The following DYM variants were observed in gnomAD, a reference collection of about 807,000 sequenced individuals.
DYM encodes dymeclin.
A neutral mutation model predicts 93.1 loss-of-function variants in DYM; 78 were observed. That is an observed-to-expected ratio of 0.84 (90% CI 0.70 to 1.01). The LOEUF is 1.01. Ranked by LOEUF, DYM falls within the 50% of genes least tolerant of loss-of-function variation. DYM has a pLI of 0.00. For missense variants in DYM, 789 were observed against 845.0 expected (o/e 0.93, Z 0.82); for synonymous variants, 321 against 319.7 (o/e 1.00, Z -0.04).
chr18:49,326,484 A>C (rs1568254102), intron 8 of DYM, among the ~76,000 whole-genome samples: 1 of 152,054 alleles, frequency 6.6e-6, no homozygotes, highest in Non-Finnish European at 1.5e-5. Context: ...TAAAAAAAAA[A>C]AACCTAAAAT....
chr18:49,397,244 T>C (rs1377107374), intron 2 of DYM, among the ~76,000 whole-genome samples: 4 of 152,246 alleles, frequency 2.6e-5, no homozygotes, highest in African/African-American at 9.6e-5. Context: ...TTCCAAAATG[T>C]AGTAATTTAC....
At chr18:49,281,915 G>A in intron 10 of DYM, 82 bp downstream of exon 10, 1 of 1,379,246 alleles carries the variant, frequency 7.3e-7, no homozygotes, top group Non-Finnish European at 1.0e-6. Flanking sequence ...TAACTAACCT[G>A]CACGCTGTGC....
At chr18:49,169,782 T>C (rs897580524) in intron 14 of DYM, among the ~76,000 whole-genome samples, 9 of 152,186 alleles carry the variant, frequency 5.9e-5, no homozygotes, top group African/African-American at 1.9e-4. Context: ...TGTATAAAAT[T>C]CTACTTGTTT....
chr18:49,312,149 C>T (rs533293043), intron 8 of DYM, among the ~76,000 whole-genome samples: 25 of 152,000 alleles, frequency 1.6e-4, no homozygotes, highest in African/African-American at 5.5e-4. Context: ...GATTGGGGGA[C>T]GTAAAGGATG....
intron 17 of DYM, among the ~76,000 whole-genome samples, chr18:49,046,514 TACAG>T (rs2071596532): frequency 6.9e-6 from 1 of 144,574 alleles, no homozygotes; most frequent in Admixed American, 6.8e-5. Context: ...GACATGCACA[TACAG>T]ACACACACAC....
Position 49,265,569 on chromosome 18 carries a change from G to A in DYM, c.1251+6609C>T, listed in dbSNP as rs554479153. On this transcript the variant is annotated intron_variant, in intron 11 of 17. Coordinates refer to ENST00000675505, the MANE Select transcript of DYM (RefSeq NM_001353214.3). ...TGAGGCCAGTGAATCACCTGAGGTC[G>A]CGAGTTCGAGACTAGCCTGACCAAC... Among the ~76,000 whole-genome samples, 35 of 152,034 alleles carry A rather than the reference G, an allele frequency of 2.3e-4. No individual in the cohort carries two copies. The South Asian group carries it at 6.0e-3, about 26-fold the overall frequency.
At chr18:49,319,057 G>A (rs1426770602) in intron 8 of DYM, among the ~76,000 whole-genome samples, 3 of 151,662 alleles carry the variant, frequency 2.0e-5, no homozygotes, top group Non-Finnish European at 1.5e-5. Context: ...CACCCACCTC[G>A]GCCTCCCAAA....
chr18:49,203,767 G>A (rs1211960114), intron 14 of DYM, among the ~76,000 whole-genome samples: 2 of 130,874 alleles, frequency 1.5e-5, no homozygotes, highest in East Asian at 4.7e-4. Flanking sequence ...TTGTTCACTT[G>A]TTTATCTGCT....
At chr18:49,102,843 C>A (rs1180888447) in intron 16 of DYM, among the ~76,000 whole-genome samples, 1 of 152,130 alleles carries the variant, frequency 6.6e-6, no homozygotes, top group Non-Finnish European at 1.5e-5. Context: ...GGTTCCAAGT[C>A]TTTGCTATTG....
intron 13 of DYM, among the ~76,000 whole-genome samples, chr18:49,240,830 T>C (rs79321636): frequency 0.091 from 13,842 of 152,256 alleles, 846 homozygotes; most frequent in East Asian, 0.31. Context: ...TGTGAGCTTC[T>C]AGTTTTACAA....
chr18:49,150,776 A>G (rs374832964), intron 15 of DYM, among the ~76,000 whole-genome samples: 3 of 152,354 alleles, frequency 2.0e-5, no homozygotes, highest in South Asian at 2.1e-4. Context: ...CATGATGTCA[A>G]GCATGATGCA....
chr18:49,363,366 C>A, intron 5 of DYM, 133 bp from the exon 6 acceptor site: 1 of 725,346 alleles, frequency 1.4e-6, no homozygotes, highest in Non-Finnish European at 2.5e-6. Context: ...TAATGTTGAC[C>A]TCTGAATAAA....
intron 2 of DYM, among the ~76,000 whole-genome samples, chr18:49,423,568 G>A (rs1459096509): frequency 1.3e-5 from 2 of 152,110 alleles, no homozygotes; most frequent in Non-Finnish European, 2.9e-5. Context: ...AGGAGATAGA[G>A]ACACAAAAAA....
chr18:49,279,433 C>T (rs1018790542), intron 10 of DYM, among the ~76,000 whole-genome samples: 4 of 152,178 alleles, frequency 2.6e-5, no homozygotes, highest in Non-Finnish European at 5.9e-5. Context: ...ATTTTCTAAT[C>T]AGAGCCTCAA....
chr18:49,290,118 T>G (rs1599164202), intron 8 of DYM, among the ~76,000 whole-genome samples: 1 of 151,826 alleles, frequency 6.6e-6, no homozygotes, highest in South Asian at 2.1e-4. Flanking sequence ...CAAAAGAGCA[T>G]GTATAGGAAT....
rs1018062185 is a variant in DYM at position 49,245,470 on chromosome 18, A to C, written c.1460+11540T>G. On this transcript the variant is annotated intron_variant, in intron 13 of 17. Coordinates refer to ENST00000675505, the MANE Select transcript of DYM (RefSeq NM_001353214.3). ...AATGCATTCCTGGGGGTAGGTATAT[A>C]GATGGCCACTCTGGGAATGTCTGTC... Among the ~76,000 whole-genome samples the C allele has an allele frequency of 2.0e-5, 3 of 152,170 alleles. No individual in the cohort carries two copies. In the South Asian group the frequency reaches 6.2e-4, roughly 32 times the overall value.
intron 14 of DYM, among the ~76,000 whole-genome samples, chr18:49,207,948 C>T (rs984983014): frequency 1.3e-5 from 2 of 151,886 alleles, no homozygotes; most frequent in African/African-American, 2.4e-5. Flanking sequence ...TTTGGGAGGC[C>T]GAGGAGGGCA....
intron 14 of DYM, among the ~76,000 whole-genome samples, chr18:49,192,859 C>G (rs1416228177): frequency 6.6e-6 from 1 of 152,040 alleles, no homozygotes; most frequent in East Asian, 1.9e-4. Flanking sequence ...CGACTAAACT[C>G]ATAGAAGTAG....
intron 16 of DYM, among the ~76,000 whole-genome samples, chr18:49,106,766 G>A (rs558399639): frequency 1.3e-5 from 2 of 152,220 alleles, no homozygotes; most frequent in Non-Finnish European, 1.5e-5. Context: ...AGTTTCTGCC[G>A]AGAGATCAGC....
Sources: gnomAD v4.1 joint callset for allele counts (sites outside exome capture counted in the v4.1 genomes callset) on GRCh38, gnomAD v4.1.1 for gene constraint, MANE v1.5 for transcripts, NCBI Gene and HGNC (gene_info 2026-07-23, HGNC 2026-07-21) for gene names.